The following SLC25A26 variants were observed in gnomAD, a reference collection of about 807,000 sequenced individuals.
SLC25A26 encodes mitochondrial S-adenosylmethionine carrier protein.
Under a neutral mutation model 37.8 loss-of-function variants are expected in SLC25A26, and 36 were observed. That is an observed-to-expected ratio of 0.95 (90% confidence interval 0.73 to 1.26). The LOEUF (loss-of-function observed/expected upper bound fraction) is 1.26, where lower values mean the gene tolerates loss of function less well. SLC25A26 is among the 50% of genes most tolerant of loss of function. The pLI, the probability that SLC25A26 is intolerant of heterozygous loss-of-function variation, is 0.00. For synonymous variants in SLC25A26, 129 were observed against 122.5 expected (o/e 1.05, Z -0.35); for missense variants, 390 against 331.1 (o/e 1.18, Z -1.38).
intron 5 of SLC25A26, among the ~76,000 whole-genome samples, chr3:66,294,970 T>C (rs935978251): frequency 6.6e-6 from 1 of 152,228 alleles, no homozygotes; most frequent in African/African-American, 2.4e-5. Flanking sequence ...TAACTTCTTA[T>C]CAAAAACACT....
chr3:66,234,898 G>C (rs1452119829), intron 1 of SLC25A26, among the ~76,000 whole-genome samples: 3 of 152,108 alleles, frequency 2.0e-5, no homozygotes, highest in African/African-American at 4.8e-5. Context: ...ACATGGTTCT[G>C]ATTTCAAAAT....
At chr3:66,254,437 C>A (rs34167678) in intron 3 of SLC25A26, among the ~76,000 whole-genome samples, 21,206 of 152,192 alleles carry the variant, frequency 0.14, 2,108 homozygotes, top group African/African-American at 0.26. Flanking sequence ...CCCTGTCTTA[C>A]TAATTTGCCA....
intron 3 of SLC25A26, among the ~76,000 whole-genome samples, chr3:66,253,548 C>T (rs1317874966): frequency 6.6e-6 from 1 of 151,954 alleles, no homozygotes; most frequent in Non-Finnish European, 1.5e-5. Context: ...GAGCGAGGGG[C>T]CACAAACCAA....
At chr3:66,331,922 G>A (rs928183413) in intron 5 of SLC25A26, among the ~76,000 whole-genome samples, 2 of 150,546 alleles carry the variant, frequency 1.3e-5, no homozygotes, top group South Asian at 4.2e-4. Flanking sequence ...AAAGTTTTTT[G>A]TTTTTTTTTG....
At chr3:66,349,553 C>T (rs2076403226) in intron 6 of SLC25A26, among the ~76,000 whole-genome samples, 1 of 151,778 alleles carries the variant, frequency 6.6e-6, no homozygotes, top group South Asian at 2.1e-4. Context: ...TGTTTTATTA[C>T]TTTGTAGTAT....
chr3:66,198,424 T>A (rs1023209850), intron 1 of SLC25A26, among the ~76,000 whole-genome samples: 64,248 of 151,714 alleles, frequency 0.42, 15,062 homozygotes, highest in African/African-American at 0.61. Context: ...TTGACCCTCA[T>A]GTGCGTCTGA....
intron 1 of SLC25A26, among the ~76,000 whole-genome samples, chr3:66,183,142 C>T (rs931649865): frequency 6.6e-5 from 10 of 152,024 alleles, no homozygotes; most frequent in Non-Finnish European, 1.5e-4. Flanking sequence ...ACACCCTGAC[C>T]TTGACCTGAC....
chr3:66,313,862 A>T (rs1004167464), intron 5 of SLC25A26, among the ~76,000 whole-genome samples: 1 of 151,420 alleles, frequency 6.6e-6, no homozygotes, highest in Non-Finnish European at 1.5e-5. Flanking sequence ...ATTCTTAGTT[A>T]TTTTTTTCTC....
In SLC25A26 at chr3:66,377,937, A is replaced by G; in HGVS notation, c.*130A>G. 1 of 704,158 alleles carries G rather than the reference A, an allele frequency of 1.4e-6. No individual in the cohort carries two copies. The highest frequency in any genetic ancestry group is 1.8e-5 in the South Asian group (1 of 56,068). 43.6% of individuals were successfully genotyped at this position (704,158 alleles called of 1,614,324 possible). A position where few individuals can be genotyped will look rare whatever the true frequency, so the allele number is the denominator to read the frequency against. On this transcript the variant is annotated 3_prime_UTR_variant, in exon 10 of 10. Transcript: ENST00000354883. ...CAGTTGTGCTAAGATACCGGCATGG[A>G]GATTGTGCCATCCGTGGTATAGGCT...
intron 5 of SLC25A26, among the ~76,000 whole-genome samples, chr3:66,273,727 G>A (rs973408852): frequency 6.6e-6 from 1 of 151,948 alleles, no homozygotes; most frequent in Non-Finnish European, 1.5e-5. Flanking sequence ...GAACTACAAA[G>A]CACTGCTCAA....
chr3:66,177,591 G>C (rs1050527708), intron 1 of SLC25A26, among the ~76,000 whole-genome samples: 1 of 152,120 alleles, frequency 6.6e-6, no homozygotes, highest in East Asian at 1.9e-4. Context: ...TATGCTGTGG[G>C]TCCCTTTATT....
upstream of SLC25A26, chr3:66,220,960 T>C: frequency 4.4e-6 from 4 of 911,508 alleles, no homozygotes; most frequent in Non-Finnish European, 1.7e-6. Flanking sequence ...GCACGTGCAG[T>C]TGTTGTGGTT....
chr3:66,139,797 CG>C (rs2070007471), intron 1 of SLC25A26, among the ~76,000 whole-genome samples: 1 of 152,002 alleles, frequency 6.6e-6, no homozygotes, highest in African/African-American at 2.4e-5. Context: ...GCGCTAAAGC[CG>C]TGGGTCAGGC....
At chr3:66,222,241 C>T (rs988859188) in intron 1 of SLC25A26, among the ~76,000 whole-genome samples, 6 of 148,268 alleles carry the variant, frequency 4.0e-5, no homozygotes, top group African/African-American at 7.5e-5. Flanking sequence ...AGTGTGGTGG[C>T]GCCATCTCGG....
At chr3:66,367,203 G>A (rs1042946245) in intron 7 of SLC25A26, among the ~76,000 whole-genome samples, 4 of 152,192 alleles carry the variant, frequency 2.6e-5, no homozygotes, top group African/African-American at 7.2e-5. Context: ...GCCAGATGCT[G>A]TTCCAAACAT....
chr3:66,170,205 A>G (rs1405185347), intron 1 of SLC25A26, among the ~76,000 whole-genome samples: 1 of 152,258 alleles, frequency 6.6e-6, no homozygotes, highest in East Asian at 1.9e-4. Flanking sequence ...AAGATATGCA[A>G]AAATGGAGCA....
chr3:66,268,706 C>T lies in SLC25A26; in HGVS notation c.453+5327C>T, dbSNP rs9876365. Among the ~76,000 whole-genome samples the T allele has an allele frequency of 7.0e-3, 1,059 of 152,278 alleles. 16 individuals are homozygous for T. The highest frequency in any genetic ancestry group is 0.024 in the African/African-American group (1,004 of 41,552). ...GATATGGTTTGGCTCTGTGTCCCCA[C>T]CTAAATCTCATCTTGAATTGTAATC... On this transcript the variant is annotated intron_variant, in intron 5 of 9. Coordinates refer to ENST00000354883, the MANE Select transcript of SLC25A26 (RefSeq NM_001379210.1).
At chr3:66,147,018 T>C (rs1031131484) in intron 1 of SLC25A26, among the ~76,000 whole-genome samples, 5 of 149,312 alleles carry the variant, frequency 3.3e-5, no homozygotes, top group Admixed American at 2.7e-4. Context: ...TTCCCTTTTA[T>C]GGCTGAGAAG....
intron 1 of SLC25A26, among the ~76,000 whole-genome samples, chr3:66,137,200 A>ATGC (rs1391198147): frequency 6.8e-6 from 1 of 146,284 alleles, no homozygotes; most frequent in Non-Finnish European, 1.5e-5. Flanking sequence ...AAATCTACCT[A>ATGC]TGCTGTGATT....
Sources: gnomAD v4.1 joint callset for allele counts (sites outside exome capture counted in the v4.1 genomes callset) on GRCh38, gnomAD v4.1.1 for gene constraint, MANE v1.5 for transcripts, NCBI Gene and HGNC (gene_info 2026-07-23, HGNC 2026-07-21) for gene names.